Variants in METTL25 observed in about 807,000 individuals in gnomAD.
METTL25 encodes probable methyltransferase-like protein 25.
A neutral mutation model predicts 71.6 loss-of-function variants in METTL25; 64 were observed. That is an observed-to-expected ratio of 0.89 (90% CI 0.73 to 1.10). The LOEUF is 1.10. Ranked by LOEUF, METTL25 falls within the 50% of genes least tolerant of loss-of-function variation. The pLI, the probability that METTL25 is intolerant of heterozygous loss-of-function variation, is 0.00. For synonymous variants in METTL25, 287 were observed against 250.3 expected (o/e 1.15, Z -1.38); for missense variants, 807 against 707.0 (o/e 1.14, Z -1.60).
At chr12:82,371,757 G>C (rs2136861491) in intron 1 of METTL25, among the ~76,000 whole-genome samples, 1 of 152,268 alleles carries the variant, frequency 6.6e-6, no homozygotes, top group Non-Finnish European at 1.5e-5. Context: ...TGAGCCGGGT[G>C]ACAGGGGAGT....
rs527402362 is a variant in METTL25, at chr12:82,456,791, C to G, written c.1543C>G (p.Leu515Val). The G allele has an allele frequency of 5.0e-6, 8 of 1,600,156 alleles. No homozygotes were observed. The highest frequency in any genetic ancestry group is 2.6e-6 in the Non-Finnish European group (3 of 1,172,558). Reference sequence around the variant, plus strand: ...TTTTCTGGATTATGTCAGACGGTCTCTAAAGAAGCTTGGATTAGATGAGTC... The same window carrying G: ...TTTTCTGGATTATGTCAGACGGTCTGTAAAGAAGCTTGGATTAGATGAGTC... ...SSFLDYVRRS[L>V]KKLGLDESKL... Residue 515 changes from leucine (L) to valine (V), a missense_variant, in exon 9 of 12, where the codon CTA becomes GTA. Physicochemically the swap from Leu to Val is conservative, Grantham distance 32 (BLOSUM62 1). Coordinates refer to ENST00000248306, the MANE Select transcript of METTL25 (RefSeq NM_032230.3).
rs572536393 is a variant in METTL25, at chr12:82,412,685, G to A, written c.1279+9555G>A. On this transcript the variant is annotated intron_variant, in intron 5 of 11. Coordinates refer to ENST00000248306, the MANE Select transcript of METTL25 (RefSeq NM_032230.3). The stretch of plus-strand genomic sequence containing the variant: ...TCCTATGTTTACCAAATAGTATTTG[G>A]CATATATCAGATGCTAAATATATAT... Among the ~76,000 whole-genome samples the A allele has an allele frequency of 8.5e-5, 13 of 152,096 alleles. No individual in the cohort carries two copies. The South Asian group carries it at 1.5e-3, about 17-fold the overall frequency.
chr12:82,441,012 A>G (rs955231074), intron 8 of METTL25, among the ~76,000 whole-genome samples: 8 of 152,064 alleles, frequency 5.3e-5, no homozygotes, highest in African/African-American at 1.9e-4. Context: ...TTCAATAGAA[A>G]GACAGTTCTA....
chr12:82,399,927 G>A (rs114068340), intron 4 of METTL25, among the ~76,000 whole-genome samples: 246 of 136,258 alleles, frequency 1.8e-3, no homozygotes, highest in African/African-American at 6.4e-3. Context: ...TCTAGAGATC[G>A]TTTGGCCTAA....
intron 5 of METTL25, among the ~76,000 whole-genome samples, chr12:82,427,315 T>C (rs1889109965): frequency 6.6e-6 from 1 of 151,934 alleles, no homozygotes; most frequent in Non-Finnish European, 1.5e-5. Context: ...CAAAACTCAA[T>C]GGCTTATAGC....
intron 9 of METTL25, among the ~76,000 whole-genome samples, chr12:82,460,894 A>G (rs562212982): frequency 1.4e-3 from 215 of 152,350 alleles, no homozygotes; most frequent in African/African-American, 4.6e-3. Context: ...CTGTAATCCC[A>G]GCACTTTGGG....
chr12:82,475,172 T>C (rs1892812814), intron 9 of METTL25, among the ~76,000 whole-genome samples: 2 of 152,206 alleles, frequency 1.3e-5, no homozygotes, highest in South Asian at 4.1e-4. Context: ...TTCTGAGTTA[T>C]CTTACAACTG....
chr12:82,415,497 A>G (rs1362028827), intron 5 of METTL25, among the ~76,000 whole-genome samples: 1 of 152,122 alleles, frequency 6.6e-6, no homozygotes, highest in Non-Finnish European at 1.5e-5. Flanking sequence ...GGCTGACACA[A>G]TTATGGAGGC....
chr12:82,358,875 G>A, intron 1 of METTL25, 51 bp downstream of exon 1: 2 of 1,549,222 alleles, frequency 1.3e-6, no homozygotes, highest in African/African-American at 1.4e-5. Flanking sequence ...AGAAGGTCCC[G>A]GCAGACGAAG....
chr12:82,452,021 A>C (rs1891180936), intron 8 of METTL25, among the ~76,000 whole-genome samples: 1 of 152,108 alleles, frequency 6.6e-6, no homozygotes, highest in South Asian at 2.1e-4. Flanking sequence ...ATGTGTTAAA[A>C]ATTTCTTCTA....
intron 8 of METTL25, among the ~76,000 whole-genome samples, chr12:82,442,549 T>A (rs1890429488): frequency 6.6e-6 from 1 of 152,116 alleles, no homozygotes; most frequent in African/African-American, 2.4e-5. Flanking sequence ...TGACAAGGTA[T>A]TAGTGGTTGC....
At chr12:82,376,410 A>G (rs1364952359) in intron 1 of METTL25, among the ~76,000 whole-genome samples, 1 of 152,204 alleles carries the variant, frequency 6.6e-6, no homozygotes, top group Non-Finnish European at 1.5e-5. Context: ...GCTGTTCTTC[A>G]TTTATAATTT....
Position 82,389,815 on chromosome 12 carries a change from G to T in METTL25, c.425-1G>T. 1 of 1,567,366 alleles carries T rather than the reference G, an allele frequency of 6.4e-7. No individual in the cohort carries two copies. Among genetic ancestry groups the T allele is most frequent in the Non-Finnish European group, 8.7e-7 (1 of 1,142,864 alleles). On this transcript the variant is annotated splice_acceptor_variant, in intron 2 of 11. Coordinates refer to ENST00000248306, the MANE Select transcript of METTL25 (RefSeq NM_032230.3). LOFTEE classifies it high-confidence loss of function. ...GCAGTTTTTACTTTTATTTTCATTA[G>T]GTGAAAATCAGAAGGCAGTTGAGTT...
At chr12:82,450,125 C>A (rs757827056) in intron 8 of METTL25, among the ~76,000 whole-genome samples, 2 of 152,032 alleles carry the variant, frequency 1.3e-5, no homozygotes, top group Non-Finnish European at 2.9e-5. Flanking sequence ...CACTCTTGTT[C>A]TTTTTCCAGT....
At chr12:82,463,769 G>A (rs2731298) in intron 9 of METTL25, among the ~76,000 whole-genome samples, 151,619 of 152,126 alleles carry the variant, frequency 1, 75,559 homozygotes, top group Middle Eastern at 1. Context: ...TTTTTTCATA[G>A]TAGCCATTCT....
intron 5 of METTL25, among the ~76,000 whole-genome samples, chr12:82,404,467 A>T (rs1032031145): frequency 1.3e-5 from 2 of 152,190 alleles, no homozygotes; most frequent in Admixed American, 1.3e-4. Context: ...ACTTTAATGC[A>T]ATCACAGTTC....
intron 1 of METTL25, among the ~76,000 whole-genome samples, chr12:82,366,658 G>A (rs11115264): frequency 3.3e-5 from 5 of 151,696 alleles, no homozygotes; most frequent in African/African-American, 1.2e-4. Context: ...GTAGTAATTC[G>A]AATGCATTGA....
rs763466100 is a variant in METTL25 at position 82,389,800 on chromosome 12, CTTTTA to C, written c.425-11_425-7del. The C allele has an allele frequency of 1.4e-5, 21 of 1,504,486 alleles. No homozygotes were observed. The African/African-American group carries it at 2.8e-4, about 20-fold the overall frequency. The allele number at this position is 1,504,486 out of a possible 1,614,324, so 93.2% of individuals were successfully genotyped here. ...TTTGATTCTTTAATAGCAGTTTTTA[CTTTTA>C]TTTTCATTAGGTGAAAATCAGAAGG... is the stretch of plus-strand genomic sequence containing the variant. On this transcript the variant is annotated splice_polypyrimidine_tract_variant and intron_variant, in intron 2 of 11. Transcript: ENST00000248306.
intron 9 of METTL25, among the ~76,000 whole-genome samples, chr12:82,459,282 A>G (rs760477403): frequency 6.6e-6 from 1 of 152,204 alleles, no homozygotes; most frequent in Non-Finnish European, 1.5e-5. Flanking sequence ...ATGTAAGGAA[A>G]GAGATTGAAA....
Sources: allele counts gnomAD v4.1 joint callset (sites outside exome capture counted in the v4.1 genomes callset), GRCh38; gene constraint gnomAD v4.1.1; transcripts MANE v1.5; gene names NCBI Gene and HGNC (gene_info 2026-07-23, HGNC 2026-07-21).